ENOX2: variants seen among roughly 807,000 people sequenced by gnomAD.
The protein encoded by ENOX2 is APK1 antigen.
ENOX2 carries 36 observed loss-of-function variants against 45.0 expected under a neutral mutation model. The observed-to-expected ratio is 0.80, with a 90% confidence interval of 0.61 to 1.06. ENOX2 has a LOEUF of 1.06. Ranked by LOEUF, ENOX2 falls within the 50% of genes least tolerant of loss-of-function variation. The pLI, the probability that ENOX2 is intolerant of heterozygous loss-of-function variation, is 0.00. For missense variants in ENOX2, 423 were observed against 462.5 expected, an observed-to-expected ratio of 0.91 and a Z score of 0.78; for synonymous variants, 174 against 152.3, an observed-to-expected ratio of 1.14 and a Z score of -1.05.
chrX:130,875,003 T>C (rs1186187129), intron 2 of ENOX2, among the ~76,000 whole-genome samples: 1 of 112,011 alleles, frequency 8.9e-6, no homozygotes, highest in African/African-American at 3.2e-5. Flanking sequence ...ATGCAAGAAG[T>C]GTGTGAGTCA....
intron 3 of ENOX2, among the ~76,000 whole-genome samples, chrX:130,771,583 T>C (rs1211292505): frequency 1.8e-5 from 2 of 112,196 alleles, no homozygotes; most frequent in Non-Finnish European, 3.8e-5. Flanking sequence ...TCCATCCCTA[T>C]TTCCACAACA....
chrX:130,893,690 G>T (rs755828669), intron 2 of ENOX2, among the ~76,000 whole-genome samples: 1 of 112,304 alleles, frequency 8.9e-6, no homozygotes, highest in Non-Finnish European at 1.9e-5. Flanking sequence ...TTGGGCACAG[G>T]TACCTTCAAC....
chrX:130,859,561 G>C (rs1238061424), intron 2 of ENOX2, among the ~76,000 whole-genome samples: 2 of 111,859 alleles, frequency 1.8e-5, no homozygotes, highest in Admixed American at 1.9e-4. Context: ...AATGTAGAGG[G>C]TATACTTCAG....
intron 2 of ENOX2, among the ~76,000 whole-genome samples, chrX:130,819,425 G>A (rs866171573): frequency 8.9e-6 from 1 of 111,975 alleles, no homozygotes; most frequent in South Asian, 3.8e-4. Flanking sequence ...ACACGCACAC[G>A]TATGTTTATT....
intron 13 of ENOX2, among the ~76,000 whole-genome samples, chrX:130,630,910 A>C (rs1030808010): frequency 9.0e-6 from 1 of 110,790 alleles, no homozygotes; most frequent in Non-Finnish European, 1.9e-5. Flanking sequence ...TTGGTATTGA[A>C]GAGTTGGAGA....
chrX:130,869,262 T>C (rs1354737122), intron 2 of ENOX2, among the ~76,000 whole-genome samples: 1 of 111,237 alleles, frequency 9.0e-6, no homozygotes, highest in African/African-American at 3.3e-5. Flanking sequence ...CATCCAGATT[T>C]ATCTTTCACG....
chrX:130,739,642 C>A (rs927081070), intron 3 of ENOX2, among the ~76,000 whole-genome samples: 1 of 111,962 alleles, frequency 8.9e-6, no homozygotes, highest in African/African-American at 3.3e-5. Context: ...AACAACCCAC[C>A]GAGGTGAGGA....
intron 2 of ENOX2, among the ~76,000 whole-genome samples, chrX:130,879,297 A>C (rs761940381): frequency 1.3e-3 from 140 of 111,958 alleles, no homozygotes; most frequent in African/African-American, 4.3e-3. Context: ...GCCCTCTTAA[A>C]ACACATCCCA....
chrX:130,903,172 T>C lies in ENOX2; in HGVS notation c.-354A>G, dbSNP rs894639506. On this transcript the variant is annotated 5_prime_UTR_variant, in exon 1 of 15. Transcript: ENST00000394363. Reference sequence around the variant, plus strand: ...CACGCCGCGCCACTCTCTTCCGAAATGCCCGCCTCGCGCTTCCAGGCCTAG... The same window carrying C: ...CACGCCGCGCCACTCTCTTCCGAAACGCCCGCCTCGCGCTTCCAGGCCTAG... 8.9e-6 allele frequency: 1 copy of C among 112,842 alleles called. No homozygotes were observed. Among genetic ancestry groups the C allele is most frequent in the Non-Finnish European group, 1.9e-5 (1 of 53,265 alleles). 9.3% of individuals were successfully genotyped at this position (112,842 alleles called of 1,213,427 possible). A position where few individuals can be genotyped will look rare whatever the true frequency, so the allele number is the denominator to read the frequency against.
intron 12 of ENOX2, 117 bp from the exon 13 acceptor site, chrX:130,631,693 G>A: frequency 2.5e-6 from 1 of 406,995 alleles, no homozygotes; most frequent in Non-Finnish European, 4.4e-6. Context: ...CATTCAATTT[G>A]GATTACTGAA....
At chrX:130,755,113 C>T (rs1412429273) in intron 3 of ENOX2, among the ~76,000 whole-genome samples, 1 of 111,784 alleles carries the variant, frequency 8.9e-6, no homozygotes, top group Non-Finnish European at 1.9e-5. Context: ...TCAGCACAAT[C>T]ACTTGATTTT....
At chrX:130,736,439 A>C (rs1184852209) in intron 3 of ENOX2, among the ~76,000 whole-genome samples, 1 of 111,898 alleles carries the variant, frequency 8.9e-6, no homozygotes, top group East Asian at 2.8e-4. Flanking sequence ...AATGACCTTC[A>C]TATTTCCATT....
At chrX:130,784,299 G>A (rs2076935508) in intron 2 of ENOX2, among the ~76,000 whole-genome samples, 1 of 111,406 alleles carries the variant, frequency 9.0e-6, no homozygotes, top group South Asian at 3.8e-4. Context: ...AATATTAGAA[G>A]CATGGTCACT....
intron 3 of ENOX2, among the ~76,000 whole-genome samples, chrX:130,762,555 C>T (rs963553130): frequency 8.9e-6 from 1 of 112,236 alleles, no homozygotes; most frequent in Non-Finnish European, 1.9e-5. Flanking sequence ...GTACTCCACC[C>T]TGGGTGAGAG....
intron 3 of ENOX2, among the ~76,000 whole-genome samples, chrX:130,756,056 A>G (rs1447235619): frequency 1.8e-5 from 2 of 112,196 alleles, no homozygotes; most frequent in African/African-American, 3.2e-5. Context: ...CCACAAGGAA[A>G]ATCTGTTTTT....
At chrX:130,786,072 C>T (rs1569502000) in intron 2 of ENOX2, among the ~76,000 whole-genome samples, 1 of 113,101 alleles carries the variant, frequency 8.8e-6, no homozygotes, top group East Asian at 2.8e-4. Flanking sequence ...ACTTCCCTCT[C>T]TCCCTCCCTC....
chrX:130,665,908 T>C (rs892635327), intron 8 of ENOX2, among the ~76,000 whole-genome samples, 159 bp from the exon 9 acceptor site: 2 of 110,822 alleles, frequency 1.8e-5, no homozygotes, highest in African/African-American at 6.6e-5. Context: ...AAAGGCTACA[T>C]GTGTTGGGGT....
chrX:130,638,310 C>T (rs927920496), intron 10 of ENOX2, among the ~76,000 whole-genome samples: 2 of 109,919 alleles, frequency 1.8e-5, no homozygotes, highest in African/African-American at 6.6e-5. Context: ...TTGTGATCCG[C>T]CTGCCTCAGC....
At chrX:130,635,499 T>C (rs1021326790) in intron 11 of ENOX2, among the ~76,000 whole-genome samples, 1 of 112,312 alleles carries the variant, frequency 8.9e-6, no homozygotes, top group African/African-American at 3.2e-5. Flanking sequence ...AGGATAGTAG[T>C]AAATAATCCA....
Sources: gnomAD v4.1 joint callset for allele counts (sites outside exome capture counted in the v4.1 genomes callset) on GRCh38, gnomAD v4.1.1 for gene constraint, MANE v1.5 for transcripts, NCBI Gene and HGNC (gene_info 2026-07-23, HGNC 2026-07-21) for gene names.